The following RUFY3 variants were observed in gnomAD, a reference collection of about 807,000 sequenced individuals.
The protein encoded by RUFY3 is protein RUFY3.
In RUFY3, 34 loss-of-function variants were observed where a neutral mutation model predicts 84.0. The ratio of observed to expected loss-of-function variants is 0.40; its 90% CI spans 0.31 to 0.54. The LOEUF (loss-of-function observed/expected upper bound fraction) is 0.54. RUFY3 is among the 20% of genes least tolerant of loss of function. The pLI is 0.39. For missense variants in RUFY3, 507 were observed against 736.8 expected (o/e 0.69, Z 3.61); for synonymous variants, 242 against 252.9 (o/e 0.96, Z 0.41).
intron 1 of RUFY3, among the ~76,000 whole-genome samples, chr4:70,725,029 C>A (rs1479436614): frequency 6.6e-6 from 1 of 152,074 alleles, no homozygotes; most frequent in Non-Finnish European, 1.5e-5. Context: ...ATCTGACCAC[C>A]CAAATCCTAG....
Position 70,722,546 on chromosome 4 carries a change from T to C in RUFY3, c.-28T>C. ...GTGTGTGAGTGTGTGTGTGTCTGTG[T>C]GTGTGTTGTGGTCCCAGCTGAGTCA... is the stretch of plus-strand genomic sequence containing the variant. On this transcript the variant is annotated 5_prime_UTR_variant, in exon 1 of 18. Transcript: ENST00000381006. The C allele has an allele frequency of 6.2e-7, 1 of 1,605,508 alleles. No individual in the cohort carries two copies. Among genetic ancestry groups the C allele is most frequent in the Non-Finnish European group, 8.5e-7 (1 of 1,175,282 alleles).
chr4:70,768,435 C>A, intron 4 of RUFY3, 103 bp from the exon 5 acceptor site: 1 of 1,036,520 alleles, frequency 9.6e-7, no homozygotes, highest in Non-Finnish European at 1.4e-6. Context: ...CTATAATCAA[C>A]CATGATGACT....
Position 70,763,613 on chromosome 4 carries a change from G to C in RUFY3, c.414G>C (p.Lys138Asn). ...SFWGPLELVE[K>N]LVPEAAEITA... ...GGGGGCCTCTAGAACTGGTAGAAAA[G>C]CTTGTTCCAGAAGCCGCAGAGATAA... is the stretch of plus-strand genomic sequence containing the variant. The change falls in exon 3 of 18, where the codon AAG becomes AAC. Residue 138 changes from lysine to asparagine, a missense_variant. By Grantham distance (94) the Lys-to-Asn change is moderately conservative. Coordinates refer to ENST00000381006, the MANE Select transcript of RUFY3 (RefSeq NM_001037442.4). 6.2e-7 allele frequency: 1 copy of C among 1,613,328 alleles called. No individual in the cohort carries two copies. Among genetic ancestry groups the C allele is most frequent in the Non-Finnish European group, 8.5e-7 (1 of 1,179,566 alleles).
chr4:70,710,398 C>A (rs1160567630), intron 1 of RUFY3, among the ~76,000 whole-genome samples: 1 of 151,180 alleles, frequency 6.6e-6, no homozygotes, highest in African/African-American at 2.4e-5. Context: ...AGGTCGGGTG[C>A]GGTGGCTCAC....
At chr4:70,741,571 T>C in intron 1 of RUFY3, 1 of 1,445,016 alleles carries the variant, frequency 6.9e-7, no homozygotes, top group Non-Finnish European at 9.2e-7. Flanking sequence ...CACTTTTCTT[T>C]CTGGGCTTGC....
In RUFY3 at chr4:70,764,580, T is replaced by C. The variant is rs1176088200; in HGVS notation, c.572+4T>C. ...TCAATAAGAAAGAACTTCTCAGGTA[T>C]GAACACCTTCTTGAACTTTCTTCTT... is the stretch of plus-strand genomic sequence containing the variant. On this transcript the variant is annotated splice_donor_region_variant and intron_variant, in intron 4 of 17. Transcript: ENST00000381006. 4 of 1,536,576 alleles carry C rather than the reference T, an allele frequency of 2.6e-6. No individual in the cohort carries two copies. The highest frequency in any genetic ancestry group is 3.4e-5 in the Admixed American group (2 of 58,742).
chr4:70,791,772 GTC>G (rs1409065668), intron 12 of RUFY3: 1 of 988,114 alleles, frequency 1.0e-6, no homozygotes, highest in African/African-American at 1.7e-5. Flanking sequence ...ATAGTTCTGT[GTC>G]TCTTAGACCA....
intron 6 of RUFY3, among the ~76,000 whole-genome samples, chr4:70,774,713 A>G (rs1393799715): frequency 1.4e-5 from 2 of 143,004 alleles, no homozygotes; most frequent in African/African-American, 2.6e-5. Flanking sequence ...TTAACCATTC[A>G]CTTTAAATGT....
chr4:70,738,418 A>G (rs564918251), intron 1 of RUFY3, among the ~76,000 whole-genome samples: 2 of 124,154 alleles, frequency 1.6e-5, no homozygotes, highest in South Asian at 5.0e-4. Context: ...GCTGGAGTGC[A>G]GTGGCACGAT....
chr4:70,781,271 G>A (rs959504457), intron 8 of RUFY3, among the ~76,000 whole-genome samples: 1 of 152,134 alleles, frequency 6.6e-6, no homozygotes, highest in Non-Finnish European at 1.5e-5. Context: ...ATCGTTTGAG[G>A]CCAAGAGTTC....
intron 1 of RUFY3, among the ~76,000 whole-genome samples, chr4:70,754,828 C>G (rs1204897171): frequency 6.6e-6 from 1 of 151,986 alleles, no homozygotes; most frequent in Non-Finnish European, 1.5e-5. Context: ...TTCAGTCATT[C>G]CCAACATAGA....
chr4:70,798,043 T>C (rs1436594999), intron 14 of RUFY3, among the ~76,000 whole-genome samples: 1 of 152,048 alleles, frequency 6.6e-6, no homozygotes, highest in Non-Finnish European at 1.5e-5. Context: ...AGGATAAGTA[T>C]TGACCTCTCT....
intron 1 of RUFY3, among the ~76,000 whole-genome samples, chr4:70,715,764 A>C (rs2148569766): frequency 6.6e-6 from 1 of 152,302 alleles, no homozygotes. Context: ...TTTAGGAAGA[A>C]GTTTCTATTC....
Position 70,722,514 on chromosome 4 carries a change from GGTGTGTGTGTGT to G in RUFY3, c.-58_-47del. Reference sequence around the variant, plus strand: ...GTGAGGAGGTTGTATTTATTTTTTTGGTGTGTGTGTGTGAGTGTGTGTGTGTCTGTGTGTGTG... The same window carrying G: ...GTGAGGAGGTTGTATTTATTTTTTTGGAGTGTGTGTGTGTCTGTGTGTGTG... On this transcript the variant is annotated 5_prime_UTR_variant, in exon 1 of 18. Coordinates refer to ENST00000381006, the MANE Select transcript of RUFY3 (RefSeq NM_001037442.4). The G allele has an allele frequency of 7.0e-7, 1 of 1,430,966 alleles. No individual in the cohort carries two copies. The highest frequency in any genetic ancestry group is 2.7e-4 in the Middle Eastern group (1 of 3,770). 88.6% of individuals were successfully genotyped at this position (1,430,966 alleles called of 1,614,324 possible). A position where few individuals can be genotyped will look rare whatever the true frequency, so the allele number is the denominator to read the frequency against.
chr4:70,731,040 CTTT>C (rs1321175989), intron 1 of RUFY3, among the ~76,000 whole-genome samples: 4 of 141,440 alleles, frequency 2.8e-5, no homozygotes, highest in Non-Finnish European at 3.1e-5. Context: ...TGATTGCCAT[CTTT>C]TTTTTTTTTT....
rs149601958 is a variant in RUFY3 at position 70,763,222 on chromosome 4, G to A, written c.353-330G>A. ...CTTACCAACTTCCCAATATTCCATA[G>A]CCTATTTCTGGATTACATATTCTTT... On this transcript the variant is annotated intron_variant, in intron 2 of 17. Transcript: ENST00000381006. Among the ~76,000 whole-genome samples, 674 of 151,932 alleles carry A rather than the reference G, an allele frequency of 4.4e-3. 9 individuals are homozygous for A. Among genetic ancestry groups the A allele is most frequent in the African/African-American group, 0.015 (641 of 41,402 alleles).
At chr4:70,741,883 A>G (rs1009956645) in intron 1 of RUFY3, among the ~76,000 whole-genome samples, 4 of 152,250 alleles carry the variant, frequency 2.6e-5, no homozygotes, top group Non-Finnish European at 5.9e-5. Context: ...TTTGCTGAAT[A>G]ACGTGTTTAA....
rs184082677 is a variant in RUFY3, at chr4:70,801,715, G to A, written c.1623-1241G>A. 3.0e-3 allele frequency among the ~76,000 whole-genome samples: 452 copies of A among 152,260 alleles called. 1 individual carries two copies. Among genetic ancestry groups the A allele is most frequent in the Non-Finnish European group, 5.2e-3 (352 of 68,024 alleles). On this transcript the variant is annotated intron_variant, in intron 15 of 17. Coordinates refer to ENST00000381006, the MANE Select transcript of RUFY3 (RefSeq NM_001037442.4). ...AGTAAGCTAATTATGCAGGTGCTTGGCCTAAATGTCCCTTTCTGGCCTTGC... is the reference window on the plus strand; with the variant it reads ...AGTAAGCTAATTATGCAGGTGCTTGACCTAAATGTCCCTTTCTGGCCTTGC...
chr4:70,741,696 A>G, intron 1 of RUFY3: 1 of 1,459,836 alleles, frequency 6.9e-7, no homozygotes, highest in Non-Finnish European at 9.0e-7. Flanking sequence ...TGCCACACCA[A>G]CATCTTTCAG....
Sources: allele counts gnomAD v4.1 joint callset (sites outside exome capture counted in the v4.1 genomes callset), GRCh38; gene constraint gnomAD v4.1.1; transcripts MANE v1.5; gene names NCBI Gene and HGNC (gene_info 2026-07-23, HGNC 2026-07-21).